Variants in SUGP1 observed in about 807,000 individuals in gnomAD.
SUGP1 encodes SURP and G-patch domain containing 1.
In SUGP1, 34 loss-of-function variants were observed where a neutral mutation model predicts 76.5. The ratio of observed to expected loss-of-function variants is 0.44; its 90% confidence interval spans 0.34 to 0.59. SUGP1 has a LOEUF of 0.59. Among genes scored for constraint, SUGP1 ranks in the 20% least tolerant of loss-of-function variants. The pLI is 0.01. For missense variants in SUGP1, 752 were observed against 851.7 expected (o/e 0.88, Z 1.46); for synonymous variants, 326 against 326.2 (o/e 1.00, Z 0.01).
intron 2 of SUGP1, among the ~76,000 whole-genome samples, chr19:19,316,022 T>G (rs566999519): frequency 6.6e-6 from 1 of 152,088 alleles, no homozygotes; most frequent in African/African-American, 2.4e-5. Context: ...TTAGTAGAGA[T>G]GGGGTTTCAC....
chr19:19,309,149 G>A (rs1403066919), intron 3 of SUGP1, among the ~76,000 whole-genome samples: 1 of 152,104 alleles, frequency 6.6e-6, no homozygotes, highest in Non-Finnish European at 1.5e-5. Flanking sequence ...TTACAGGCGT[G>A]AGCCACTGCG....
chr19:19,296,962 A>G (rs1599857646), intron 8 of SUGP1, 27 bp downstream of exon 8: 19 of 1,522,496 alleles, frequency 1.2e-5, no homozygotes, highest in Non-Finnish European at 1.7e-5. Context: ...CCCTTCCAAC[A>G]CAGGGAGGGG....
At chr19:19,278,640 G>C (rs1054413172) in intron 11 of SUGP1, 50 bp downstream of exon 11, 2 of 1,528,396 alleles carry the variant, frequency 1.3e-6, no homozygotes, top group Non-Finnish European at 8.9e-7. Context: ...GCAGCTACAG[G>C]AGGGGCTGGC....
intron 8 of SUGP1, among the ~76,000 whole-genome samples, chr19:19,282,442 T>TAAA (rs537092970): frequency 3.6e-5 from 5 of 137,428 alleles, no homozygotes; most frequent in African/African-American, 5.3e-5. Flanking sequence ...CTATTTATGT[T>TAAA]AAAAAAAAAA....
intron 1 of SUGP1, among the ~76,000 whole-genome samples, chr19:19,317,543 G>A (rs1403120190): frequency 6.6e-6 from 1 of 152,002 alleles, no homozygotes; most frequent in Non-Finnish European, 1.5e-5. Flanking sequence ...TTTGAGACAG[G>A]GTCTGGCTCT....
At chr19:19,286,577 T>G (rs942211352) in intron 8 of SUGP1, among the ~76,000 whole-genome samples, 2 of 152,096 alleles carry the variant, frequency 1.3e-5, no homozygotes, top group African/African-American at 2.4e-5. Flanking sequence ...AAGATAGATC[T>G]TGGAGAAATT....
Position 19,276,914 on chromosome 19 carries a change from CT to C in SUGP1, c.1911+32del, listed in dbSNP as rs2061054115. 5 of 1,610,984 alleles carry C rather than the reference CT, an allele frequency of 3.1e-6. No individual in the cohort carries two copies. In the South Asian group the frequency reaches 5.5e-5, roughly 18 times the overall value. On this transcript the variant is annotated intron_variant, in intron 13 of 13. Coordinates refer to ENST00000247001, the MANE Select transcript of SUGP1 (RefSeq NM_172231.4). ...TCCTACCACCACCCTCTCCTGTCGA[CT>C]GAGCAAAGGCAGCCCAGGAGGACAT...
chr19:19,303,777 G>C lies in SUGP1; in HGVS notation c.609C>G (p.Gly203=). The C allele has an allele frequency of 6.2e-7, 1 of 1,614,164 alleles. No homozygotes were observed. Among genetic ancestry groups the C allele is most frequent in the South Asian group, 1.1e-5 (1 of 91,086 alleles). The change falls in exon 5 of 14, where the codon GGC becomes GGG. Residue 203 remains glycine (G), a synonymous_variant. Coordinates refer to ENST00000247001, the MANE Select transcript of SUGP1 (RefSeq NM_172231.4). The part of the protein sequence containing the change: ...EKLARFVAEG[G]PELEKVAMED... ...CCATAGCTACTTTTTCTAACTCGGGGCCTCCTTCTGCCACAAAGCGGGCCA... is the reference window on the plus strand; with the variant it reads ...CCATAGCTACTTTTTCTAACTCGGGCCCTCCTTCTGCCACAAAGCGGGCCA...
intron 7 of SUGP1, among the ~76,000 whole-genome samples, chr19:19,301,246 C>G (rs1314616516): frequency 6.6e-6 from 1 of 152,132 alleles, no homozygotes; most frequent in Non-Finnish European, 1.5e-5. Context: ...GGCCCCAACA[C>G]AGGCTCCTGG....
At chr19:19,277,650 C>T in intron 12 of SUGP1, 84 bp downstream of exon 12, 13 of 1,530,488 alleles carry the variant, frequency 8.5e-6, no homozygotes, top group Non-Finnish European at 1.2e-5. Context: ...AAAGCGATGA[C>T]ATAAAGGGGT....
At chr19:19,277,135 G>A (rs781076515) in intron 12 of SUGP1, 59 bp from the exon 13 acceptor site, 63 of 1,553,536 alleles carry the variant, frequency 4.1e-5, no homozygotes, top group Admixed American at 5.7e-5. Flanking sequence ...CCGGGGGGCC[G>A]GGCACAGCTG....
At chr19:19,303,282 T>C (rs932931906) in intron 6 of SUGP1, 66 bp downstream of exon 6, 1 of 1,397,442 alleles carries the variant, frequency 7.2e-7, no homozygotes, top group Non-Finnish European at 1.0e-6. Context: ...GGAACCCCGA[T>C]TCCGCATTGG....
chr19:19,319,706 CAAA>C lies in SUGP1; in HGVS notation c.34+754_34+756del, dbSNP rs570232030. ...TGGGCGACAAAGTGAGACCCTGTCT[CAAA>C]AAAAAAAAAAAAAAAAAAAAGAAAG... On this transcript the variant is annotated intron_variant, in intron 1 of 13. Transcript: ENST00000247001. Among the ~76,000 whole-genome samples, 21 of 69,278 alleles carry C rather than the reference CAAA, an allele frequency of 3.0e-4. No individual in the cohort carries two copies. In the East Asian group the frequency reaches 5.0e-3, roughly 17 times the overall value. 45.4% of individuals were successfully genotyped at this position (69,278 alleles called of 152,430 possible). A position where few individuals can be genotyped will look rare whatever the true frequency, so the allele number is the denominator to read the frequency against.
chr19:19,280,324 T>C, intron 8 of SUGP1, 33 bp from the exon 9 acceptor site: 2 of 1,593,562 alleles, frequency 1.3e-6, no homozygotes, highest in Non-Finnish European at 1.7e-6. Flanking sequence ...AGTCAGAGCC[T>C]GACAGGTGCA....
intron 2 of SUGP1, among the ~76,000 whole-genome samples, chr19:19,312,978 A>C (rs1344677140): frequency 6.6e-6 from 1 of 151,882 alleles, no homozygotes; most frequent in Non-Finnish European, 1.5e-5. Context: ...CAACAGCGCA[A>C]GACTCCATCT....
At chr19:19,309,980 C>G in intron 3 of SUGP1, 117 bp downstream of exon 3, 2 of 685,574 alleles carry the variant, frequency 2.9e-6, no homozygotes, top group Non-Finnish European at 5.2e-6. Flanking sequence ...GGAATGAGGG[C>G]GATCTATGAT....
rs148031252 is a variant in SUGP1, at chr19:19,297,098, G to A, written c.1134C>T (p.Thr378=). 3.4e-5 allele frequency: 55 copies of A among 1,613,858 alleles called. No homozygotes were observed. Among genetic ancestry groups the A allele is most frequent in the African/African-American group, 3.3e-4 (25 of 75,028 alleles). ...AAPGKPASAA[T]VKRKRKSRWG... is the part of the protein sequence containing the mutation. ...ACCGGCTCTTCCGCTTCCTCTTCAC[G>A]GTGGCTGCGGAGGCTGGCTTCCCGG... Residue 378 remains threonine, a synonymous_variant, in exon 8 of 14, where the codon ACC becomes ACT. Transcript: ENST00000247001.
chr19:19,303,798 G>A lies in SUGP1; in HGVS notation c.588C>T (p.Ala196=). 1 of 1,614,130 alleles carries A rather than the reference G, an allele frequency of 6.2e-7. No individual in the cohort carries two copies. The highest frequency in any genetic ancestry group is 1.3e-5 in the African/African-American group (1 of 75,030). Residue 196 remains alanine (A), a synonymous_variant, in exon 5 of 14, where the codon GCC becomes GCT. Transcript: ENST00000247001. The part of the protein sequence containing the change: ...AETRKVIEKL[A]RFVAEGGPEL... ...CGGGGCCTCCTTCTGCCACAAAGCG[G>A]GCCAATTTCTCTATCACTTTCCGAG...
At chr19:19,277,262 G>A (rs12981974) in intron 12 of SUGP1, among the ~76,000 whole-genome samples, 186 bp from the exon 13 acceptor site, 3 of 148,994 alleles carry the variant, frequency 2.0e-5, no homozygotes, top group Admixed American at 1.3e-4. Context: ...GGGGGGGGGG[G>A]GCCTAGGCCC....
Sources: gnomAD v4.1 joint callset for allele counts (sites outside exome capture counted in the v4.1 genomes callset) on GRCh38, gnomAD v4.1.1 for gene constraint, MANE v1.5 for transcripts, NCBI Gene and HGNC (gene_info 2026-07-23, HGNC 2026-07-21) for gene names.